Variants in TRIP13 observed in about 807,000 individuals in gnomAD.
TRIP13 encodes the protein pachytene checkpoint protein 2 homolog.
A neutral mutation model predicts 54.4 loss-of-function variants in TRIP13; 25 were observed. That is an observed-to-expected ratio of 0.46 (90% CI 0.33 to 0.64). TRIP13 has a LOEUF of 0.64. Ranked by LOEUF, TRIP13 falls within the 30% of genes least tolerant of loss-of-function variation. The probability of loss-of-function intolerance (pLI) is 0.02; values close to 1 mark genes in which losing one functional copy is unlikely to be tolerated. For missense variants in TRIP13, 373 were observed against 534.2 expected (o/e 0.70, Z 2.97); for synonymous variants, 207 against 207.8 (o/e 1.00, Z 0.03).
chr5:901,462 T>A (rs746568628), intron 5 of TRIP13, 31 bp downstream of exon 5: 1 of 1,604,992 alleles, frequency 6.2e-7, no homozygotes, highest in South Asian at 1.1e-5. Context: ...TTTGACCAGA[T>A]AAGTGGCATG....
chr5:916,414 TGG>T (rs1754341920), intron 12 of TRIP13, among the ~76,000 whole-genome samples: 1 of 152,190 alleles, frequency 6.6e-6, no homozygotes, highest in Non-Finnish European at 1.5e-5. Context: ...AGCAGCCGGT[TGG>T]GGTAAGGACT....
At chr5:916,916 C>G (rs1373413791) in intron 12 of TRIP13, 92 bp from the exon 13 acceptor site, 13 of 1,127,526 alleles carry the variant, frequency 1.2e-5, no homozygotes, top group South Asian at 1.1e-4. Flanking sequence ...TCTGTGCTAT[C>G]TGCACTGTGG....
intron 2 of TRIP13, among the ~76,000 whole-genome samples, chr5:895,901 A>G (rs540113145): frequency 1.3e-5 from 2 of 152,220 alleles, no homozygotes; most frequent in South Asian, 4.1e-4. Context: ...GTCAGTTAAT[A>G]AATGTAGGAA....
At chr5:903,453 A>G (rs1417637494) in intron 5 of TRIP13, among the ~76,000 whole-genome samples, 2 of 152,184 alleles carry the variant, frequency 1.3e-5, no homozygotes, top group African/African-American at 2.4e-5. Context: ...AATGATTAAT[A>G]TTCATATATA....
chr5:894,737 T>G, intron 1 of TRIP13, 50 bp from the exon 2 acceptor site: 1 of 1,551,950 alleles, frequency 6.4e-7, no homozygotes. Flanking sequence ...ATTTTAACAT[T>G]TTGTTTTTGA....
At position 907,065 on chromosome 5, in the gene TRIP13, A is replaced by G. The variant is rs1754129663; in HGVS notation, c.609-65A>G. The G allele has an allele frequency of 1.1e-5, 16 of 1,426,220 alleles. No homozygotes were observed. In the East Asian group the frequency reaches 3.4e-4, roughly 30 times the overall value. The allele number at this position is 1,426,220 out of a possible 1,614,324, so 88.3% of individuals were successfully genotyped here. A position where few individuals can be genotyped will look rare whatever the true frequency, so the allele number is the denominator to read the frequency against. On this transcript the variant is annotated intron_variant, in intron 6 of 12. Transcript: ENST00000166345. This position sits in a 1 kb window ranked among gnomAD's most constrained non-coding sequence, Gnocchi z 4.1. ...GAGATGTTGCATTCAGGACGCGTGA[A>G]TGGCTGCCGCTGAGGATCCACAGGA...
downstream of TRIP13, among the ~76,000 whole-genome samples, chr5:918,472 G>T (rs1347929498): frequency 2.0e-5 from 3 of 152,242 alleles, no homozygotes; most frequent in East Asian, 1.9e-4. This position sits in a 1 kb window ranked among gnomAD's most constrained non-coding sequence, Gnocchi z 4.3. Flanking sequence ...GTGGCTTGCG[G>T]CCCTTGTACT....
rs532132711 is a variant in TRIP13, at chr5:911,042, G to T, written c.867-801G>T. ...GGCCTGTGCAGCATGCTCCCTGGGG[G>T]CACCTTGTGCCCGCTCTGCTGGCTC... is the stretch of plus-strand genomic sequence containing the variant. On this transcript the variant is annotated intron_variant, in intron 9 of 12. Coordinates refer to ENST00000166345, the MANE Select transcript of TRIP13 (RefSeq NM_004237.4). This position sits in a 1 kb window ranked among gnomAD's most constrained non-coding sequence, Gnocchi z 4.7. 6.6e-6 allele frequency among the ~76,000 whole-genome samples: 1 copy of T among 152,370 alleles called. No homozygotes were observed. The highest frequency in any genetic ancestry group is 6.5e-5 in the Admixed American group (1 of 15,312).
At chr5:905,319 G>A (rs72703180) in intron 6 of TRIP13, among the ~76,000 whole-genome samples, 5,219 of 152,232 alleles carry the variant, frequency 0.034, 131 homozygotes, top group Non-Finnish European at 0.049. Flanking sequence ...CACAGACCAC[G>A]GGCGCCCTTT....
intron 9 of TRIP13, among the ~76,000 whole-genome samples, chr5:909,537 G>A (rs190640783): frequency 6.6e-6 from 1 of 152,210 alleles, no homozygotes; most frequent in Non-Finnish European, 1.5e-5. Context: ...AGGAATGTGT[G>A]CCAAGACCAG....
rs1162036779 is a variant in TRIP13 at position 908,587 on chromosome 5, T to G, written c.866+126T>G. 6.6e-7 allele frequency: 1 copy of G among 1,508,904 alleles called. No individual in the cohort carries two copies. Among genetic ancestry groups the G allele is most frequent in the South Asian group, 1.2e-5 (1 of 80,178 alleles). The allele number at this position is 1,508,904 out of a possible 1,614,324, so 93.5% of individuals were successfully genotyped here. On this transcript the variant is annotated intron_variant, in intron 9 of 12. Transcript: ENST00000166345. The surrounding 1 kb of genome is among the most constrained non-coding windows in gnomAD (Gnocchi z 5.2). ...TTTCACCGGAAAGTGCATTTGGCATTGAGTATCGACTCCTTTTCCACATTG... is the reference window on the plus strand; with the variant it reads ...TTTCACCGGAAAGTGCATTTGGCATGGAGTATCGACTCCTTTTCCACATTG...
At chr5:894,488 T>C (rs1290315183) in intron 1 of TRIP13, among the ~76,000 whole-genome samples, 4 of 152,216 alleles carry the variant, frequency 2.6e-5, no homozygotes, top group Non-Finnish European at 5.9e-5. Context: ...ATGTGCCAGG[T>C]ATCGTCCTAA....
In TRIP13 at chr5:908,174, C is replaced by T. The variant is rs1269397014; in HGVS notation, c.759+100C>T. 25 of 1,468,754 alleles carry T rather than the reference C, an allele frequency of 1.7e-5. No homozygotes were observed. The East Asian group carries it at 2.3e-4, about 13-fold the overall frequency. 91.0% of individuals were successfully genotyped at this position (1,468,754 alleles called of 1,614,324 possible). On this transcript the variant is annotated intron_variant, in intron 8 of 12. Transcript: ENST00000166345. The surrounding 1 kb of genome is among the most constrained non-coding windows in gnomAD (Gnocchi z 5.2). ...GCTCCTAGCTTTCCCCTCCTACAGC[C>T]GGGCTGCCCTCTATCCCTCCCTGCA...
chr5:900,220 C>G (rs111481185), intron 3 of TRIP13, among the ~76,000 whole-genome samples: 1 of 152,100 alleles, frequency 6.6e-6, no homozygotes, highest in Non-Finnish European at 1.5e-5. Context: ...GACAATTGTG[C>G]GTGATAATGA....
chr5:910,671 T>C (rs6859646), intron 9 of TRIP13, among the ~76,000 whole-genome samples: 13,455 of 152,156 alleles, frequency 0.088, 921 homozygotes, highest in African/African-American at 0.19. Context: ...CCCTCGTGCT[T>C]CTGGTTCCAG....
chr5:914,339 C>A (rs894228145), intron 10 of TRIP13, 126 bp from the exon 11 acceptor site: 2 of 681,606 alleles, frequency 2.9e-6, no homozygotes, highest in Admixed American at 4.5e-5. Context: ...GAGTCGTCAC[C>A]GTCTGGATTT....
At chr5:893,171 G>A in intron 1 of TRIP13, 81 bp downstream of exon 1, 1 of 1,218,824 alleles carries the variant, frequency 8.2e-7, no homozygotes, top group Non-Finnish European at 1.1e-6. Flanking sequence ...CGACCCCAGC[G>A]CACTGATTCT....
intron 3 of TRIP13, 52 bp downstream of exon 3, chr5:896,846 A>G: frequency 1.3e-6 from 2 of 1,553,536 alleles, no homozygotes; most frequent in Non-Finnish European, 1.7e-6. Flanking sequence ...AGGATTGTAT[A>G]CTCCATGCCA....
rs1236722862 is a variant in TRIP13 at position 901,427 on chromosome 5, C to G, written c.531C>G (p.Leu177=). The G allele has an allele frequency of 6.2e-7, 1 of 1,613,842 alleles. No individual in the cohort carries two copies. Among genetic ancestry groups the G allele is most frequent in the Non-Finnish European group, 8.5e-7 (1 of 1,179,938 alleles). ...NLITWNRVVL[L]HGPPGTGKTS... ...TCACCTGGAACCGGGTGGTGCTGCT[C>G]CACGGTAAATTATGCAGGCTTTTAT... is the stretch of plus-strand genomic sequence containing the variant. The change falls in exon 5 of 13, where the codon CTC becomes CTG. Residue 177 remains leucine (L), a synonymous_variant. Coordinates refer to ENST00000166345, the MANE Select transcript of TRIP13 (RefSeq NM_004237.4).
Sources: allele counts gnomAD v4.1 joint callset (sites outside exome capture counted in the v4.1 genomes callset), GRCh38; gene constraint gnomAD v4.1.1; non-coding constraint Gnocchi (gnomAD v3.1); transcripts MANE v1.5; gene names NCBI Gene and HGNC (gene_info 2026-07-23, HGNC 2026-07-21).